Variants in NAV2 observed in about 807,000 individuals in gnomAD.
NAV2 encodes helicase, APC down-regulated 1.
NAV2 carries 54 observed loss-of-function variants against 223.2 expected under a neutral mutation model. The ratio of observed to expected loss-of-function variants is 0.24; its 90% confidence interval spans 0.19 to 0.30. NAV2 has a LOEUF of 0.30. NAV2 is among the 10% of genes least tolerant of loss of function. The pLI, the probability that NAV2 is intolerant of heterozygous loss-of-function variation, is 1.00. For missense variants in NAV2, 2,806 were observed against 3,147.5 expected (o/e 0.89, Z 2.60); for synonymous variants, 1,279 against 1,239.3 (o/e 1.03, Z -0.67).
chr11:19,382,403 C>T (rs1564892839), intron 1 of NAV2, among the ~76,000 whole-genome samples: 1 of 152,136 alleles, frequency 6.6e-6, no homozygotes, highest in African/African-American at 2.4e-5. Flanking sequence ...ACAATTGTGC[C>T]GACTGGCAAA....
At chr11:19,648,184 A>C (rs1196408036) in intron 1 of NAV2, among the ~76,000 whole-genome samples, 1 of 152,246 alleles carries the variant, frequency 6.6e-6, no homozygotes, top group African/African-American at 2.4e-5. Flanking sequence ...ATTAAAAACG[A>C]AGGTAATAAA....
chr11:19,922,509 A>G (rs1443966023), intron 6 of NAV2, among the ~76,000 whole-genome samples: 1 of 152,120 alleles, frequency 6.6e-6, no homozygotes, highest in African/African-American at 2.4e-5. Flanking sequence ...GAACTTCGGT[A>G]TCTATTACAG....
intron 1 of NAV2, among the ~76,000 whole-genome samples, chr11:19,648,874 C>T (rs1401144024): frequency 6.6e-6 from 1 of 152,140 alleles, no homozygotes; most frequent in East Asian, 1.9e-4. Context: ...ATTTCTGCCA[C>T]CTAGAAACAA....
At chr11:19,824,995 G>A (rs1266855736) in intron 1 of NAV2, among the ~76,000 whole-genome samples, 1 of 152,066 alleles carries the variant, frequency 6.6e-6, no homozygotes, top group African/African-American at 2.4e-5. Flanking sequence ...CTCAGTCTTA[G>A]AAATGACATT....
Position 20,051,333 on chromosome 11 carries a change from G to A in NAV2, c.4481G>A (p.Arg1494Lys). Reference protein sequence around the residue: ...DRNTLPKKGLRYTPTSQLRTQ... With the variant: ...DRNTLPKKGLKYTPTSQLRTQ... ...AACACTTTGCCTAAGAAAGGACTCA[G>A]GTATCTGTGTTTCCTCCTTGCATCT... Residue 1494 changes from arginine (R) to lysine (K), a missense_variant and splice_region_variant, in exon 17 of 38, where the codon AGG becomes AAG. By Grantham distance (26) the Arg-to-Lys change is conservative. Coordinates refer to ENST00000349880, the MANE Select transcript of NAV2 (RefSeq NM_145117.5). 1 of 1,614,040 alleles carries A rather than the reference G, an allele frequency of 6.2e-7. No individual in the cohort carries two copies. Among genetic ancestry groups the A allele is most frequent in the Non-Finnish European group, 8.5e-7 (1 of 1,179,892 alleles).
At chr11:19,947,226 C>G (rs1056223830) in intron 9 of NAV2, among the ~76,000 whole-genome samples, 11 of 152,210 alleles carry the variant, frequency 7.2e-5, no homozygotes, top group African/African-American at 2.7e-4. Context: ...CCACTGTCAG[C>G]AGTTTTGGAA....
At chr11:19,420,733 T>A (rs371199328) in intron 1 of NAV2, among the ~76,000 whole-genome samples, 2 of 152,194 alleles carry the variant, frequency 1.3e-5, no homozygotes, top group East Asian at 1.9e-4. Flanking sequence ...ATGTTTACCC[T>A]TGGAGCAAGA....
At chr11:19,663,871 T>C (rs2048348214) in intron 1 of NAV2, among the ~76,000 whole-genome samples, 2 of 152,186 alleles carry the variant, frequency 1.3e-5, no homozygotes, top group African/African-American at 4.8e-5. Context: ...TTCTAATACA[T>C]GTTTTCTGCT....
intron 1 of NAV2, among the ~76,000 whole-genome samples, chr11:19,567,683 T>TAGAG (rs1237943834): frequency 3.5e-4 from 53 of 152,324 alleles, no homozygotes; most frequent in African/African-American, 1.2e-3. Flanking sequence ...CCTCCAGCCC[T>TAGAG]GGAGCTTAAT....
chr11:20,051,676 T>C (rs2058020029), intron 17 of NAV2, among the ~76,000 whole-genome samples: 1 of 152,230 alleles, frequency 6.6e-6, no homozygotes, highest in South Asian at 2.1e-4. Context: ...TTAACATGGC[T>C]GTCTTCCAAG....
intron 13 of NAV2, 144 bp from the exon 14 acceptor site, chr11:20,044,824 A>G: frequency 1.6e-6 from 1 of 639,146 alleles, no homozygotes; most frequent in Non-Finnish European, 2.7e-6. Flanking sequence ...TTAGTAGACT[A>G]TATTATTTTT....
chr11:19,722,994 G>C (rs2050891106), intron 1 of NAV2, among the ~76,000 whole-genome samples: 1 of 152,246 alleles, frequency 6.6e-6, no homozygotes, highest in Admixed American at 6.5e-5. Context: ...AAGAAGAGCT[G>C]TGAGGATGTA....
chr11:19,904,597 A>G (rs1303767229), intron 6 of NAV2, among the ~76,000 whole-genome samples: 2 of 152,196 alleles, frequency 1.3e-5, no homozygotes, highest in African/African-American at 4.8e-5. Flanking sequence ...AAACAGTTTT[A>G]TGGACAGAAA....
chr11:19,491,925 T>A (rs1013961592), intron 1 of NAV2, among the ~76,000 whole-genome samples: 1 of 150,676 alleles, frequency 6.6e-6, no homozygotes, highest in Non-Finnish European at 1.5e-5. Flanking sequence ...AATTTTAGTA[T>A]TGTTGTGTCT....
At chr11:19,875,045 T>TACTCAGGAGGCTG (rs980512307) in intron 4 of NAV2, among the ~76,000 whole-genome samples, 1 of 152,178 alleles carries the variant, frequency 6.6e-6, no homozygotes, top group Non-Finnish European at 1.5e-5. Flanking sequence ...TAATCCCAGC[T>TACTCAGGAGGCTG]ACTCAGGAGG....
chr11:19,667,046 C>G (rs909534541), intron 1 of NAV2, among the ~76,000 whole-genome samples: 1 of 152,258 alleles, frequency 6.6e-6, no homozygotes, highest in African/African-American at 2.4e-5. Flanking sequence ...CTACCCCAAC[C>G]CCCAGACTAG....
chr11:19,655,311 A>C (rs2048088060), intron 1 of NAV2, among the ~76,000 whole-genome samples: 1 of 152,208 alleles, frequency 6.6e-6, no homozygotes, highest in Non-Finnish European at 1.5e-5. Flanking sequence ...AAACTAGTTC[A>C]ACCATTGTGG....
At chr11:19,767,775 C>T (rs1449517430) in intron 1 of NAV2, among the ~76,000 whole-genome samples, 1 of 152,154 alleles carries the variant, frequency 6.6e-6, no homozygotes, top group Non-Finnish European at 1.5e-5. Context: ...CAGGGAAGAC[C>T]AGAACTTGAA....
chr11:20,030,214 G>A (rs1051167569), intron 11 of NAV2, among the ~76,000 whole-genome samples: 2 of 152,038 alleles, frequency 1.3e-5, no homozygotes, highest in Admixed American at 6.5e-5. Flanking sequence ...GAGTGAAGGT[G>A]AACTGGAGTG....
Sources: allele counts gnomAD v4.1 joint callset (sites outside exome capture counted in the v4.1 genomes callset), GRCh38; gene constraint gnomAD v4.1.1; transcripts MANE v1.5; gene names NCBI Gene and HGNC (gene_info 2026-07-23, HGNC 2026-07-21).